Variants in FBXL5 observed in about 807,000 individuals in gnomAD.
FBXL5 encodes F-box and leucine rich repeat protein 5.
A neutral mutation model predicts 78.3 loss-of-function variants in FBXL5; 26 were observed. The observed-to-expected ratio is 0.33, with a 90% confidence interval of 0.24 to 0.46. FBXL5 has a LOEUF of 0.46. Ranked by LOEUF, FBXL5 falls within the 20% of genes least tolerant of loss-of-function variation. The pLI, the probability that FBXL5 is intolerant of heterozygous loss-of-function variation, is 1.00. For synonymous variants in FBXL5, 295 were observed against 282.5 expected, an observed-to-expected ratio of 1.04 and a Z score of -0.45; for missense variants, 710 against 829.2, an observed-to-expected ratio of 0.86 and a Z score of 1.77.
At chr4:15,619,087 T>C (rs1025018214) in intron 9 of FBXL5, among the ~76,000 whole-genome samples, 3 of 152,014 alleles carry the variant, frequency 2.0e-5, no homozygotes, top group Admixed American at 2.0e-4. Flanking sequence ...AGAGGATCAC[T>C]AGGAAATTGA....
intron 1 of FBXL5, among the ~76,000 whole-genome samples, chr4:15,645,731 T>C (rs569469218): frequency 4.9e-4 from 74 of 152,190 alleles, no homozygotes; most frequent in Non-Finnish European, 9.3e-4. Flanking sequence ...CCGGCCTACT[T>C]TTCTTTCTTA....
At chr4:15,635,064 G>A (rs1322787726) in intron 5 of FBXL5, among the ~76,000 whole-genome samples, 4 of 152,124 alleles carry the variant, frequency 2.6e-5, no homozygotes, top group Non-Finnish European at 5.9e-5. Flanking sequence ...GGGCACGGTG[G>A]CTCAAGCCCG....
intron 1 of FBXL5, among the ~76,000 whole-genome samples, chr4:15,652,451 T>C (rs1386981750): frequency 1.3e-5 from 2 of 152,172 alleles, no homozygotes; most frequent in South Asian, 4.1e-4. Flanking sequence ...CAAAGCACTG[T>C]TGTCTGGATA....
At chr4:15,676,790 C>T (rs1718011374) in intron 1 of FBXL5, among the ~76,000 whole-genome samples, 1 of 151,970 alleles carries the variant, frequency 6.6e-6, no homozygotes, top group South Asian at 2.1e-4. Flanking sequence ...TGAACACTTT[C>T]AGAATAAATA....
chr4:15,671,244 G>T (rs1278065360), intron 1 of FBXL5, among the ~76,000 whole-genome samples: 7 of 151,788 alleles, frequency 4.6e-5, no homozygotes, highest in Non-Finnish European at 5.9e-5. Context: ...ATTTTAGGTT[G>T]ACAGGGTTTT....
In FBXL5 at chr4:15,655,196, T is replaced by C; in HGVS notation, c.84+8A>G. The C allele has an allele frequency of 7.1e-7, 1 of 1,410,348 alleles. No individual in the cohort carries two copies. The allele number at this position is 1,410,348 out of a possible 1,614,324, so 87.4% of individuals were successfully genotyped here. A position where few individuals can be genotyped will look rare whatever the true frequency, so the allele number is the denominator to read the frequency against. The stretch of plus-strand genomic sequence containing the variant: ...CCGCCCACAGCGGGAGGCTCAGCGC[T>C]CCGTTACCTTGTCGCAGTAGAGCCC... On this transcript the variant is annotated splice_region_variant and intron_variant, in intron 1 of 10. Coordinates refer to ENST00000341285, the MANE Select transcript of FBXL5 (RefSeq NM_012161.4).
intron 1 of FBXL5, among the ~76,000 whole-genome samples, chr4:15,652,673 C>T (rs1577485987): frequency 6.6e-6 from 1 of 152,208 alleles, no homozygotes; most frequent in South Asian, 2.1e-4. Flanking sequence ...TACTAACTGG[C>T]TTAAGCATAT....
intron 9 of FBXL5, among the ~76,000 whole-genome samples, chr4:15,613,196 G>A (rs1023489935): frequency 6.6e-6 from 1 of 152,128 alleles, no homozygotes; most frequent in Non-Finnish European, 1.5e-5. Flanking sequence ...GGGGAAAGGG[G>A]GAGTGAGAAG....
At chr4:15,659,702 C>T, upstream of FBXL5, 2 of 984,058 alleles carry the variant, frequency 2.0e-6, no homozygotes, top group Non-Finnish European at 2.4e-6. Context: ...CTTCCATTTC[C>T]CAAATATACC....
intron 1 of FBXL5, among the ~76,000 whole-genome samples, chr4:15,675,657 C>T (rs1266256063): frequency 6.8e-6 from 1 of 146,450 alleles, no homozygotes; most frequent in Non-Finnish European, 1.5e-5. Context: ...TCTCAGCTCA[C>T]TGCAACCTCT....
At chr4:15,630,579 A>G in intron 6 of FBXL5, 87 bp downstream of exon 6, 3 of 1,233,418 alleles carry the variant, frequency 2.4e-6, no homozygotes, top group Non-Finnish European at 3.2e-6. Flanking sequence ...AACACAAAAT[A>G]CATAAATCTA....
intron 9 of FBXL5, among the ~76,000 whole-genome samples, chr4:15,615,074 G>A (rs1711658303): frequency 6.6e-6 from 1 of 152,182 alleles, no homozygotes; most frequent in Non-Finnish European, 1.5e-5. Flanking sequence ...GGCTGCGGAG[G>A]GTGTACTGGG....
In FBXL5 at chr4:15,641,513, C is replaced by T. The variant is rs1321770597; in HGVS notation, c.301-630G>A. The T allele has an allele frequency of 5.5e-5, 21 of 384,054 alleles. No homozygotes were observed. The Admixed American group carries it at 6.6e-4, about 12-fold the overall frequency. The allele number at this position is 384,054 out of a possible 1,614,324, so 23.8% of individuals were successfully genotyped here. A position where few individuals can be genotyped will look rare whatever the true frequency, so the allele number is the denominator to read the frequency against. ...ATGATGTTCTTAGTAACATTCTTTT[C>T]TCTAGCTTACCTTACTGTAAGAATC... On this transcript the variant is annotated intron_variant, in intron 2 of 10. Transcript: ENST00000341285.
upstream of FBXL5, chr4:15,655,455 A>G (rs1370323288): frequency 1.5e-5 from 14 of 922,840 alleles, no homozygotes; most frequent in African/African-American, 1.8e-5. Context: ...GGCCGCCGCC[A>G]TGCGATCCCT....
chr4:15,638,412 C>T, intron 4 of FBXL5, 96 bp downstream of exon 4: 1 of 849,044 alleles, frequency 1.2e-6, no homozygotes. Context: ...GCAGGCCTAA[C>T]TTGAATTATT....
At chr4:15,659,801 A>T (rs1430952237), upstream of FBXL5, 2 of 895,952 alleles carry the variant, frequency 2.2e-6, no homozygotes, top group African/African-American at 3.6e-5. Context: ...AGGCTCTATT[A>T]TGGGCTGACT....
At chr4:15,609,897 T>C (rs1370659162) in intron 10 of FBXL5, among the ~76,000 whole-genome samples, 1 of 152,080 alleles carries the variant, frequency 6.6e-6, no homozygotes, top group Non-Finnish European at 1.5e-5. Context: ...CATTCTGCTT[T>C]ACTTATCATG....
chr4:15,624,111 A>G (rs908952111), intron 9 of FBXL5, among the ~76,000 whole-genome samples: 1 of 152,116 alleles, frequency 6.6e-6, no homozygotes, highest in Non-Finnish European at 1.5e-5. Flanking sequence ...GACGTGAGCC[A>G]CCGCACCCGG....
At chr4:15,664,499 A>C (rs926570292), upstream of FBXL5, among the ~76,000 whole-genome samples, 3 of 141,142 alleles carry the variant, frequency 2.1e-5, no homozygotes, top group Non-Finnish European at 4.6e-5. Context: ...TATACTGTTT[A>C]TTTTATTGAC....
Sources: gnomAD v4.1 joint callset for allele counts (sites outside exome capture counted in the v4.1 genomes callset) on GRCh38, gnomAD v4.1.1 for gene constraint, MANE v1.5 for transcripts, NCBI Gene and HGNC (gene_info 2026-07-23, HGNC 2026-07-21) for gene names.